The following ATAD2B variants were observed in gnomAD, a reference collection of about 807,000 sequenced individuals.
ATAD2B encodes ATPase family AAA domain-containing protein 2B.
ATAD2B carries 40 observed loss-of-function variants against 167.6 expected under a neutral mutation model. The observed-to-expected ratio is 0.24, with a 90% CI of 0.19 to 0.31. ATAD2B has a LOEUF of 0.31. Among genes scored for constraint, ATAD2B ranks in the 10% least tolerant of loss-of-function variants. ATAD2B has a pLI of 1.00. For missense variants in ATAD2B, 1,242 were observed against 1,757.2 expected (o/e 0.71, Z 5.24); for synonymous variants, 579 against 596.5 (o/e 0.97, Z 0.43).
the ATAD2B span, among the ~76,000 whole-genome samples, chr2:23,736,777 G>C: frequency 1.4e-4 from 22 of 152,252 alleles, no homozygotes; most frequent in Admixed American, 9.8e-4. Context: ...AGGGGTCAGG[G>C]AATTCCCTTT....
At position 23,867,964 on chromosome 2, in the gene ATAD2B, G is replaced by A; in HGVS notation, c.1077-18C>T. 2 of 1,531,368 alleles carry A rather than the reference G, an allele frequency of 1.3e-6. No homozygotes were observed. Among genetic ancestry groups the A allele is most frequent in the East Asian group, 2.3e-5 (1 of 44,364 alleles). 94.9% of individuals were successfully genotyped at this position (1,531,368 alleles called of 1,614,324 possible). ...GCAAACATCTGAAATTTATAAAAGTGCAAGTAAAGTTGCATTAAAAGTTTC... is the reference window on the plus strand; with the variant it reads ...GCAAACATCTGAAATTTATAAAAGTACAAGTAAAGTTGCATTAAAAGTTTC... On this transcript the variant is annotated intron_variant, in intron 9 of 27. Coordinates refer to ENST00000238789, the MANE Select transcript of ATAD2B (RefSeq NM_017552.4).
At chr2:23,836,324 G>A (rs888646145) in intron 13 of ATAD2B, among the ~76,000 whole-genome samples, 1 of 152,160 alleles carries the variant, frequency 6.6e-6, no homozygotes, top group African/African-American at 2.4e-5. Context: ...ACTGGGGAAC[G>A]TGGTGGTGCC....
At chr2:23,732,806 C>G in the ATAD2B span, among the ~76,000 whole-genome samples, 1 of 152,142 alleles carries the variant, frequency 6.6e-6, no homozygotes, top group Non-Finnish European at 1.5e-5. Context: ...ACTCCTCTTT[C>G]CCATCTTCAA....
intron 1 of ATAD2B, among the ~76,000 whole-genome samples, chr2:23,896,256 C>T (rs1036076965): frequency 6.6e-6 from 1 of 150,430 alleles, no homozygotes; most frequent in African/African-American, 2.5e-5. Context: ...ACCCAGGAGG[C>T]GGAGGCTGCC....
chr2:23,771,925 G>A (rs1678381904), intron 22 of ATAD2B, among the ~76,000 whole-genome samples: 1 of 152,068 alleles, frequency 6.6e-6, no homozygotes, highest in Non-Finnish European at 1.5e-5. Context: ...AACCACTGTG[G>A]CCTCTTCAGA....
At chr2:23,773,260 C>T (rs891221384) in intron 22 of ATAD2B, among the ~76,000 whole-genome samples, 3 of 152,148 alleles carry the variant, frequency 2.0e-5, no homozygotes, top group Non-Finnish European at 4.4e-5. Flanking sequence ...AATCTCAACA[C>T]TTTGGGAGAC....
chr2:23,744,776 G>A (rs72851336), downstream of ATAD2B, among the ~76,000 whole-genome samples: 1,476 of 152,234 alleles, frequency 9.7e-3, 22 homozygotes, highest in African/African-American at 0.034. Context: ...CAGGATATTC[G>A]TCAAAATCAT....
intron 1 of ATAD2B, among the ~76,000 whole-genome samples, chr2:23,911,557 AAAGAAACGAG>A (rs1702305579): frequency 6.6e-6 from 1 of 151,748 alleles, no homozygotes; most frequent in African/African-American, 2.4e-5. Context: ...CTTATCCCAA[AAAGAAACGAG>A]AAGAAGAAGA....
intron 1 of ATAD2B, among the ~76,000 whole-genome samples, chr2:23,926,158 G>A (rs1042450659): frequency 2.0e-5 from 3 of 152,204 alleles, no homozygotes; most frequent in African/African-American, 7.2e-5. Context: ...ACACTTTCAA[G>A]AAGGGTTTGA....
chr2:23,854,412 T>C (rs565554006), intron 13 of ATAD2B, among the ~76,000 whole-genome samples: 1 of 152,214 alleles, frequency 6.6e-6, no homozygotes, highest in African/African-American at 2.4e-5. Flanking sequence ...GAACAGTGGC[T>C]CATGCCTGTA....
At chr2:23,740,893 C>T in the ATAD2B span, among the ~76,000 whole-genome samples, 37,535 of 151,930 alleles carry the variant, frequency 0.25, 4,920 homozygotes, top group Middle Eastern at 0.37. Flanking sequence ...ATCACAAGCA[C>T]TCTTATACAC....
At chr2:23,899,081 G>A (rs920053135) in intron 1 of ATAD2B, among the ~76,000 whole-genome samples, 2 of 151,974 alleles carry the variant, frequency 1.3e-5, no homozygotes, top group Admixed American at 1.3e-4. Context: ...CCGGGAGGCG[G>A]AGGTTGCAGT....
At chr2:23,767,435 T>C (rs1286472249) in intron 22 of ATAD2B, among the ~76,000 whole-genome samples, 1 of 152,166 alleles carries the variant, frequency 6.6e-6, no homozygotes, top group Non-Finnish European at 1.5e-5. Flanking sequence ...CACCCTTCTA[T>C]AGAAAAACTT....
chr2:23,692,964 AGCCCAG>A, the ATAD2B span, among the ~76,000 whole-genome samples: 1 of 152,080 alleles, frequency 6.6e-6, no homozygotes, highest in South Asian at 2.1e-4. Context: ...GCCTGACCCC[AGCCCAG>A]GCCCAGGCTC....
Position 23,882,448 on chromosome 2 carries a change from A to G in ATAD2B, c.785-1693T>C, listed in dbSNP as rs1698061091. 4.8e-5 allele frequency among the ~76,000 whole-genome samples: 7 copies of G among 145,450 alleles called. No homozygotes were observed. In the South Asian group the frequency reaches 1.6e-3, roughly 34 times the overall value. ...TGATCTCAAGTGATCCACCCGCCTC[A>G]GCCTCCGAAAGTGCTGGAATTATAG... On this transcript the variant is annotated intron_variant, in intron 6 of 27. Transcript: ENST00000238789.
intron 7 of ATAD2B, among the ~76,000 whole-genome samples, chr2:23,877,978 C>CCAAT (rs889956313): frequency 8.5e-6 from 1 of 117,468 alleles, no homozygotes; most frequent in African/African-American, 3.2e-5. Context: ...CATGTTCGCA[C>CCAAT]CAATGCACTC....
chr2:23,826,876 AC>A (rs1213591195), intron 15 of ATAD2B, among the ~76,000 whole-genome samples: 1 of 152,180 alleles, frequency 6.6e-6, no homozygotes, highest in Non-Finnish European at 1.5e-5. Context: ...ACCTCTAAGA[AC>A]TTGGGAATTT....
intron 15 of ATAD2B, among the ~76,000 whole-genome samples, chr2:23,828,616 G>A (rs966308030): frequency 2.6e-5 from 4 of 152,146 alleles, no homozygotes; most frequent in African/African-American, 4.8e-5. Flanking sequence ...CTCAATGAAA[G>A]GCATGTTATT....
chr2:23,911,533 T>C (rs1289257368), intron 1 of ATAD2B, among the ~76,000 whole-genome samples: 2 of 145,892 alleles, frequency 1.4e-5, no homozygotes, highest in East Asian at 4.0e-4. Flanking sequence ...CCAGCCTGGA[T>C]GACAGGGTGA....
Sources: allele counts gnomAD v4.1 joint callset (sites outside exome capture counted in the v4.1 genomes callset), GRCh38; gene constraint gnomAD v4.1.1; transcripts MANE v1.5; gene names NCBI Gene and HGNC (gene_info 2026-07-23, HGNC 2026-07-21).